Variants in ZNF76 observed in about 807,000 individuals in gnomAD.
The protein encoded by ZNF76 is zinc finger protein 76.
ZNF76 carries 66 observed loss-of-function variants against 66.9 expected under a neutral mutation model. The ratio of observed to expected loss-of-function variants is 0.99; its 90% CI spans 0.81 to 1.21. ZNF76 has a LOEUF of 1.21. Ranked by LOEUF, ZNF76 falls within the 50% of genes most tolerant of loss-of-function variation. The pLI, the probability that ZNF76 is intolerant of heterozygous loss-of-function variation, is 0.00. For missense variants in ZNF76, 729 were observed against 760.3 expected, an observed-to-expected ratio of 0.96 and a Z score of 0.48; for synonymous variants, 275 against 296.1, an observed-to-expected ratio of 0.93 and a Z score of 0.73.
intron 1 of ZNF76, among the ~76,000 whole-genome samples, chr6:35,273,537 C>T (rs999203143): frequency 6.6e-6 from 1 of 151,756 alleles, no homozygotes; most frequent in Non-Finnish European, 1.5e-5. Flanking sequence ...AATCCCAGTA[C>T]ATTGGGAGGC....
At chr6:35,277,042 G>A (rs909603639) in intron 1 of ZNF76, among the ~76,000 whole-genome samples, 4 of 150,744 alleles carry the variant, frequency 2.7e-5, no homozygotes, top group African/African-American at 4.9e-5. Flanking sequence ...CAAGTGATCC[G>A]CCCACTTCGG....
At chr6:35,280,523 C>G (rs1043909886) in intron 1 of ZNF76, among the ~76,000 whole-genome samples, 13 of 131,878 alleles carry the variant, frequency 9.9e-5, no homozygotes, top group African/African-American at 2.0e-4. Flanking sequence ...TGATCCCCCC[C>G]CCCCCCGCCC....
chr6:35,290,255 T>G lies in ZNF76; in HGVS notation c.433-11T>G, dbSNP rs1188419014. ...AGAATACATATAGGGATCTCAAGACTTTTCCCCCAGGTTCTTCATGACAGC... is the reference window on the plus strand; with the variant it reads ...AGAATACATATAGGGATCTCAAGACGTTTCCCCCAGGTTCTTCATGACAGC... On this transcript the variant is annotated splice_polypyrimidine_tract_variant and intron_variant, in intron 5 of 13. Transcript: ENST00000373953. The G allele has an allele frequency of 6.2e-7, 1 of 1,613,990 alleles. No homozygotes were observed. Among genetic ancestry groups the G allele is most frequent in the Admixed American group, 1.7e-5 (1 of 60,010 alleles).
At chr6:35,262,469 T>A (rs1211745249) in intron 1 of ZNF76, among the ~76,000 whole-genome samples, 1 of 152,186 alleles carries the variant, frequency 6.6e-6, no homozygotes, top group East Asian at 1.9e-4. Flanking sequence ...TATGAATCTT[T>A]GACGCTTCCA....
At chr6:35,269,051 C>T (rs895010349) in intron 1 of ZNF76, among the ~76,000 whole-genome samples, 12 of 151,818 alleles carry the variant, frequency 7.9e-5, no homozygotes, top group South Asian at 2.1e-4. Flanking sequence ...GAGGCTGAGG[C>T]GGGTGGTTCA....
In ZNF76 at chr6:35,294,495, T is replaced by C; in HGVS notation, c.1534T>C (p.Ser512Pro). 6.2e-7 allele frequency: 1 copy of C among 1,614,098 alleles called. No homozygotes were observed. The highest frequency in any genetic ancestry group is 8.5e-7 in the Non-Finnish European group (1 of 1,180,020). Residue 512 changes from serine to proline, a missense_variant, in exon 13 of 14, where the codon TCA becomes CCA. Coordinates refer to ENST00000373953, the MANE Select transcript of ZNF76 (RefSeq NM_003427.5). ...CTCTGGGGCTGTGGTGGCTGAGGAC[T>C]CAAGTGTAGCATCTCTTCGTCATCA... ...ITSGAVVAEDSSVASLRHQQV... is the reference protein window; with the variant it reads ...ITSGAVVAEDPSVASLRHQQV...
intron 2 of ZNF76, among the ~76,000 whole-genome samples, chr6:35,281,743 C>T (rs919328110): frequency 1.3e-4 from 20 of 151,712 alleles, no homozygotes; most frequent in African/African-American, 4.6e-4. Flanking sequence ...CCAGCCTGGG[C>T]AACATAGCAA....
At chr6:35,288,447 G>C in intron 5 of ZNF76, 1 of 328,914 alleles carries the variant, frequency 3.0e-6, no homozygotes, top group South Asian at 2.4e-5. Context: ...CCATGGTCCT[G>C]CATGTGGGGA....
chr6:35,260,832 C>T (rs960567027), intron 1 of ZNF76, among the ~76,000 whole-genome samples: 2 of 152,146 alleles, frequency 1.3e-5, no homozygotes, highest in African/African-American at 4.8e-5. Flanking sequence ...TTTTTGCAAT[C>T]ATTTTTGTAC....
At chr6:35,288,690 C>T (rs547190947) in intron 5 of ZNF76, among the ~76,000 whole-genome samples, 1 of 152,362 alleles carries the variant, frequency 6.6e-6, no homozygotes. Context: ...GGAGCAGAGG[C>T]TCACGCCTGT....
intron 1 of ZNF76, among the ~76,000 whole-genome samples, chr6:35,273,236 G>T (rs554287427): frequency 1.2e-3 from 184 of 151,364 alleles, no homozygotes; most frequent in African/African-American, 4.3e-3. Context: ...GCAGTGGTGT[G>T]ATCTCAGCTC....
chr6:35,279,142 A>G (rs991346409), intron 1 of ZNF76: 11 of 155,882 alleles, frequency 7.1e-5, no homozygotes, highest in African/African-American at 2.7e-4. Context: ...TTTTTTTCTT[A>G]TAAATCTACT....
At position 35,292,959 on chromosome 6, in the gene ZNF76, AT is replaced by A; in HGVS notation, c.1245del (p.Asp415GlufsTer10). On this transcript the variant is annotated frameshift_variant, in exon 11 of 14. Coordinates refer to ENST00000373953, the MANE Select transcript of ZNF76 (RefSeq NM_003427.5). LOFTEE classifies it high-confidence loss of function. The surrounding 1 kb of genome is among the most constrained non-coding windows in gnomAD (Gnocchi z 4.7). Reference protein sequence around the residue: ...AYLSEVKEERDDIPAQVAMVT... With the variant: ...AYLSEVKEERXDIPAQVAMVT... ...CTTTCGGAGGTGAAGGAAGAGAGAG[AT>A]GACATCCCAGCCCAGGTGGCGATGG... 6.2e-7 allele frequency: 1 copy of A among 1,614,190 alleles called. No homozygotes were observed. Among genetic ancestry groups the A allele is most frequent in the East Asian group, 2.2e-5 (1 of 44,882 alleles).
intron 1 of ZNF76, 82 bp from the exon 2 acceptor site, chr6:35,280,974 G>T: frequency 1.6e-6 from 1 of 635,358 alleles, no homozygotes; most frequent in Non-Finnish European, 2.8e-6. Flanking sequence ...TGGCTGGCTG[G>T]CCTCATTAAC....
intron 5 of ZNF76, chr6:35,288,267 T>C (rs1789883203): frequency 2.6e-6 from 1 of 377,442 alleles, no homozygotes; most frequent in African/African-American, 2.1e-5. Flanking sequence ...ATTTATTTCT[T>C]CTCTGTGACT....
chr6:35,260,342 C>T (rs776599537), intron 1 of ZNF76, among the ~76,000 whole-genome samples: 6 of 151,972 alleles, frequency 3.9e-5, no homozygotes, highest in Admixed American at 1.3e-4. Context: ...CTCGGTGACT[C>T]CCCTCAAAAC....
rs781204160 is a variant in ZNF76 at position 35,290,633 on chromosome 6, C to T, written c.550-8C>T. Reference sequence around the variant, plus strand: ...TCCTCTGAATTATGTGATTGCTTGTCCTCACAGGTGCATGAACGAGCTCAT... The same window carrying T: ...TCCTCTGAATTATGTGATTGCTTGTTCTCACAGGTGCATGAACGAGCTCAT... On this transcript the variant is annotated splice_polypyrimidine_tract_variant and splice_region_variant and intron_variant, in intron 6 of 13. Coordinates refer to ENST00000373953, the MANE Select transcript of ZNF76 (RefSeq NM_003427.5). 2 of 1,613,964 alleles carry T rather than the reference C, an allele frequency of 1.2e-6. No homozygotes were observed. The highest frequency in any genetic ancestry group is 2.7e-5 in the African/African-American group (2 of 74,918).
intron 1 of ZNF76, among the ~76,000 whole-genome samples, chr6:35,276,796 T>G (rs1349453861): frequency 2.1e-4 from 5 of 23,532 alleles, no homozygotes; most frequent in Admixed American, 1.0e-3. Context: ...TATGGGTTTT[T>G]TTTTTTTTTT....
chr6:35,261,909 C>T (rs1785310842), intron 1 of ZNF76, among the ~76,000 whole-genome samples: 1 of 152,098 alleles, frequency 6.6e-6, no homozygotes, highest in Non-Finnish European at 1.5e-5. Flanking sequence ...CCCTGAAGCC[C>T]CTGCACCTTG....
Sources: allele counts gnomAD v4.1 joint callset (sites outside exome capture counted in the v4.1 genomes callset), GRCh38; gene constraint gnomAD v4.1.1; non-coding constraint Gnocchi (gnomAD v3.1); transcripts MANE v1.5; gene names NCBI Gene and HGNC (gene_info 2026-07-23, HGNC 2026-07-21).